Variants in ITGA6 observed in about 807,000 individuals in gnomAD.
The protein encoded by ITGA6 is integrin subunit alpha 6.
Under a neutral mutation model 133.6 loss-of-function variants are expected in ITGA6, and 63 were observed. The observed-to-expected ratio is 0.47, with a 90% CI of 0.38 to 0.58. The LOEUF is 0.58. Ranked by LOEUF, ITGA6 falls within the 20% of genes least tolerant of loss-of-function variation. The pLI is 0.00. For missense variants in ITGA6, 1,068 were observed against 1,309.4 expected, an observed-to-expected ratio of 0.82 and a Z score of 2.85; for synonymous variants, 434 against 482.0, an observed-to-expected ratio of 0.90 and a Z score of 1.30.
At chr2:172,478,675 G>A (rs1219530389) in intron 9 of ITGA6, among the ~76,000 whole-genome samples, 2 of 152,246 alleles carry the variant, frequency 1.3e-5, no homozygotes, top group Non-Finnish European at 2.9e-5. Flanking sequence ...TCAAGTGTTT[G>A]CGGGGTTGCA....
Position 172,491,179 on chromosome 2 carries a change from A to C in ITGA6, c.2779-42A>C, listed in dbSNP as rs56084828. 0.076 allele frequency: 109,509 copies of C among 1,441,980 alleles called. 11,718 individuals carry two copies. Among genetic ancestry groups the C allele is most frequent in the East Asian group, 0.53 (23,132 of 43,994 alleles). The allele number at this position is 1,441,980 out of a possible 1,614,324, so 89.3% of individuals were successfully genotyped here. A position where few individuals can be genotyped will look rare whatever the true frequency, so the allele number is the denominator to read the frequency against. The stretch of plus-strand genomic sequence containing the variant: ...AGAGGATGAGGGGAAGGATTTCTTC[A>C]GAACAATGTCTTTTGATGACCATTC... On this transcript the variant is annotated intron_variant, in intron 21 of 25. Coordinates refer to ENST00000684293, the MANE Select transcript of ITGA6 (RefSeq NM_000210.4). The surrounding 1 kb of genome is among the most constrained non-coding windows in gnomAD (Gnocchi z 4.4).
At chr2:172,475,354 T>C (rs1250783360) in intron 7 of ITGA6, among the ~76,000 whole-genome samples, 1 of 151,940 alleles carries the variant, frequency 6.6e-6, no homozygotes, top group Non-Finnish European at 1.5e-5. Flanking sequence ...ACTCCCAGCT[T>C]TGGAAAGCTG....
At chr2:172,435,262 G>T (rs1187543026) in intron 1 of ITGA6, among the ~76,000 whole-genome samples, 1 of 152,146 alleles carries the variant, frequency 6.6e-6, no homozygotes, top group East Asian at 1.9e-4. Flanking sequence ...GGGGTGGAAT[G>T]GTTGGCCTCT....
At chr2:172,436,338 C>T (rs1370193894) in intron 1 of ITGA6, among the ~76,000 whole-genome samples, 1 of 152,240 alleles carries the variant, frequency 6.6e-6, no homozygotes, top group Admixed American at 6.5e-5. Context: ...ATTTCAGATA[C>T]TGTATCAGAT....
At chr2:172,465,445 A>G in intron 1 of ITGA6, 94 bp from the exon 2 acceptor site, 1 of 1,453,358 alleles carries the variant, frequency 6.9e-7, no homozygotes, top group Non-Finnish European at 9.6e-7. Context: ...ACTCCTAGAC[A>G]AAGAATAATC....
At chr2:172,442,890 CCTCA>C (rs200302068) in intron 1 of ITGA6, among the ~76,000 whole-genome samples, 1,905 of 151,874 alleles carry the variant, frequency 0.013, 39 homozygotes, top group Admixed American at 0.02. Flanking sequence ...TTTTTTTTAA[CCTCA>C]CTATCTCCAT....
Position 172,434,676 on chromosome 2 carries a change from A to C in ITGA6, c.182+6706A>C, listed in dbSNP as rs900970455. Among the ~76,000 whole-genome samples the C allele has an allele frequency of 7.2e-5, 11 of 152,278 alleles. No homozygotes were observed. The East Asian group carries it at 2.1e-3, about 29-fold the overall frequency. The stretch of plus-strand genomic sequence containing the variant: ...AAGTACCACTAAACGCAAGTCACAA[A>C]GGGCAAAAACTCATGACATGGAGCC... On this transcript the variant is annotated intron_variant, in intron 1 of 25. Coordinates refer to ENST00000684293, the MANE Select transcript of ITGA6 (RefSeq NM_000210.4).
chr2:172,478,236 G>A (rs1316308061), intron 9 of ITGA6, among the ~76,000 whole-genome samples: 1 of 152,176 alleles, frequency 6.6e-6, no homozygotes, highest in Non-Finnish European at 1.5e-5. Context: ...GGGAATGTGG[G>A]CAGTATTTGA....
intron 5 of ITGA6, 45 bp downstream of exon 5, chr2:172,471,150 A>G: frequency 4.3e-6 from 7 of 1,612,354 alleles, no homozygotes; most frequent in Non-Finnish European, 5.9e-6. Context: ...CTTCTCAGAT[A>G]CCTTGTGTGA....
At chr2:172,433,901 A>G (rs1684211053) in intron 1 of ITGA6, among the ~76,000 whole-genome samples, 1 of 152,104 alleles carries the variant, frequency 6.6e-6, no homozygotes, top group Non-Finnish European at 1.5e-5. Context: ...CATAGACATG[A>G]CGGGGCAGTG....
At chr2:172,446,583 TAC>T (rs1225607058) in intron 1 of ITGA6, among the ~76,000 whole-genome samples, 1 of 152,256 alleles carries the variant, frequency 6.6e-6, no homozygotes, top group African/African-American at 2.4e-5. Flanking sequence ...TCCAAGTGTG[TAC>T]AGTTTCCTAG....
chr2:172,435,446 GAA>G (rs1330684095), intron 1 of ITGA6, among the ~76,000 whole-genome samples: 1 of 151,860 alleles, frequency 6.6e-6, no homozygotes, highest in African/African-American at 2.4e-5. Flanking sequence ...CAAAGGTATC[GAA>G]ACAATAAAAG....
intron 1 of ITGA6, among the ~76,000 whole-genome samples, chr2:172,457,295 C>CAAAAAAAAAAAAAAAAAAAAAAAAA: frequency 1.3e-5 from 1 of 79,352 alleles, no homozygotes; most frequent in Non-Finnish European, 2.4e-5. Context: ...ATTCTGTCTC[C>CAAAAAAAAAAAAAAAAAAAAAAAAA]AAAAAAAAAA....
intron 1 of ITGA6, among the ~76,000 whole-genome samples, chr2:172,452,516 A>G (rs1223376590): frequency 6.6e-6 from 1 of 152,220 alleles, no homozygotes; most frequent in East Asian, 1.9e-4. Flanking sequence ...TGGGAGTGCG[A>G]ACAAAGAGCC....
Position 172,487,084 on chromosome 2 carries a change from A to T in ITGA6, c.1916A>T (p.Glu639Val). 6.2e-7 allele frequency: 1 copy of T among 1,613,432 alleles called. No individual in the cohort carries two copies. Residue 639 changes from glutamate (E) to valine (V), a missense_variant, in exon 14 of 26, where the codon GAA becomes GTA. Physicochemically the swap from Glu to Val is moderately radical, Grantham distance 121. Coordinates refer to ENST00000684293, the MANE Select transcript of ITGA6 (RefSeq NM_000210.4). ...GTATGTAACAGCAACCTTAAACTAGAATATAAATTTTGCACCCGAGAAGGA... is the reference window on the plus strand; with the variant it reads ...GTATGTAACAGCAACCTTAAACTAGTATATAAATTTTGCACCCGAGAAGGA... Reference protein sequence around the residue: ...DNVCNSNLKLEYKFCTREGNQ... With the variant: ...DNVCNSNLKLVYKFCTREGNQ...
intron 23 of ITGA6, among the ~76,000 whole-genome samples, chr2:172,496,502 T>G (rs1265706605): frequency 6.6e-6 from 1 of 152,180 alleles, no homozygotes; most frequent in African/African-American, 2.4e-5. Flanking sequence ...GGAAGTACTT[T>G]GATGAGAGAT....
chr2:172,476,400 C>T lies in ITGA6; in HGVS notation c.1275C>T (p.Leu425=), dbSNP rs758187208. The T allele has an allele frequency of 5.7e-6, 9 of 1,574,728 alleles. No individual in the cohort carries two copies. In the Admixed American group the frequency reaches 1.2e-4, roughly 20 times the overall value. ...NGINTKPTQV[L]KGISPYFGYS... The stretch of plus-strand genomic sequence containing the variant: ...GGATGCCCTGTGTATTTCAGGTTCT[C>T]AAGGGTATATCACCTTATTTTGGAT... The change falls in exon 9 of 26, where the codon CTC becomes CTT. Residue 425 remains leucine, a synonymous_variant. Transcript: ENST00000684293.
chr2:172,504,156 G>C lies in ITGA6; in HGVS notation c.*88G>C, dbSNP rs541817808. 1.0e-5 allele frequency: 16 copies of C among 1,597,078 alleles called. No individual in the cohort carries two copies. In the South Asian group the frequency reaches 1.4e-4, roughly 14 times the overall value. ...CCCGATACCATGCTGTAAGGATCCG[G>C]AAAGAAGAGCGAGAGATCAAAGATG... On this transcript the variant is annotated 3_prime_UTR_variant, in exon 26 of 26. Coordinates refer to ENST00000684293, the MANE Select transcript of ITGA6 (RefSeq NM_000210.4).
chr2:172,474,361 C>G, intron 6 of ITGA6, 96 bp downstream of exon 6: 2 of 1,090,360 alleles, frequency 1.8e-6, no homozygotes, highest in South Asian at 1.3e-5. Context: ...GGTTCATTGA[C>G]GTAAAGAATA....
Sources: gnomAD v4.1 joint callset for allele counts (sites outside exome capture counted in the v4.1 genomes callset) on GRCh38, gnomAD v4.1.1 for gene constraint, Gnocchi (gnomAD v3.1) non-coding constraint, MANE v1.5 for transcripts, NCBI Gene and HGNC (gene_info 2026-07-23, HGNC 2026-07-21) for gene names.